THEMIS: variants seen among roughly 807,000 people sequenced by gnomAD.
The protein encoded by THEMIS is thymocyte selection associated, also known as protein THEMIS.
Under a neutral mutation model 52.6 loss-of-function variants are expected in THEMIS, and 37 were observed. The ratio of observed to expected loss-of-function variants is 0.70; its 90% CI spans 0.54 to 0.93. THEMIS has a LOEUF of 0.93. THEMIS is among the 40% of genes least tolerant of loss of function. THEMIS has a pLI of 0.00. For missense variants in THEMIS, 808 were observed against 763.1 expected, an observed-to-expected ratio of 1.06 and a Z score of -0.69; for synonymous variants, 292 against 272.7, an observed-to-expected ratio of 1.07 and a Z score of -0.70.
At chr6:127,841,125 G>A (rs1031425664) in intron 2 of THEMIS, among the ~76,000 whole-genome samples, 1 of 151,970 alleles carries the variant, frequency 6.6e-6, no homozygotes, top group Non-Finnish European at 1.5e-5. Flanking sequence ...TGTCAATGAA[G>A]GTTCACTACT....
chr6:127,861,783 CAAAAAAA>C (rs1225783673), intron 1 of THEMIS, among the ~76,000 whole-genome samples: 2 of 95,700 alleles, frequency 2.1e-5, no homozygotes, highest in Non-Finnish European at 3.9e-5. Context: ...GACTCCATCT[CAAAAAAA>C]AAAAAAAAAA....
chr6:127,831,060 C>T (rs77579383), intron 2 of THEMIS, among the ~76,000 whole-genome samples: 3,230 of 152,280 alleles, frequency 0.021, 59 homozygotes, highest in Non-Finnish European at 0.035. Context: ...ACTGACTGCT[C>T]TTGACTATAT....
At chr6:127,715,423 A>G (rs1336202245) in intron 5 of THEMIS, among the ~76,000 whole-genome samples, 2 of 151,938 alleles carry the variant, frequency 1.3e-5, no homozygotes, top group African/African-American at 4.8e-5. Flanking sequence ...TTTCTTCATT[A>G]AAATTAAGAA....
chr6:127,830,110 A>G (rs114192983), intron 2 of THEMIS, among the ~76,000 whole-genome samples, 176 bp from the exon 3 acceptor site: 1 of 152,150 alleles, frequency 6.6e-6, no homozygotes, highest in Non-Finnish European at 1.5e-5. Flanking sequence ...ATTATGAAGT[A>G]TTGCTTATAG....
At chr6:127,848,306 T>G (rs1779293819) in intron 2 of THEMIS, among the ~76,000 whole-genome samples, 1 of 152,072 alleles carries the variant, frequency 6.6e-6, no homozygotes, top group African/African-American at 2.4e-5. Context: ...TGCCACATTT[T>G]CTTAATCCAG....
rs1554223913 is a variant in THEMIS, at chr6:127,785,006, T to TC, written c.1758+27876_1758+27877insG. ...ATCTATCTATCTATCTATCTATCTA[T>TC]TATCTATCTATCTATCTACCTATCA... On this transcript the variant is annotated intron_variant, in intron 4 of 5. Coordinates refer to ENST00000368248, the MANE Select transcript of THEMIS (RefSeq NM_001010923.3). 5.8e-4 allele frequency among the ~76,000 whole-genome samples: 68 copies of TC among 117,276 alleles called. 1 individual carries two copies. The highest frequency in any genetic ancestry group is 2.0e-3 in the East Asian group (9 of 4,462). 76.9% of individuals were successfully genotyped at this position (117,276 alleles called of 152,430 possible). A position where few individuals can be genotyped will look rare whatever the true frequency, so the allele number is the denominator to read the frequency against.
intron 4 of THEMIS, among the ~76,000 whole-genome samples, chr6:127,763,993 C>T (rs1776109462): frequency 6.6e-6 from 1 of 151,692 alleles, no homozygotes; most frequent in African/African-American, 2.4e-5. Context: ...TTATAGATTC[C>T]TAAAATCTGG....
At chr6:127,772,231 G>T (rs1338837379) in intron 4 of THEMIS, among the ~76,000 whole-genome samples, 1 of 151,508 alleles carries the variant, frequency 6.6e-6, no homozygotes, top group Admixed American at 6.6e-5. Context: ...AATGTTAAGT[G>T]GAATTGCTAG....
intron 2 of THEMIS, among the ~76,000 whole-genome samples, chr6:127,833,621 A>G (rs1390333595): frequency 1.3e-5 from 2 of 152,116 alleles, no homozygotes; most frequent in Non-Finnish European, 2.9e-5. Context: ...CTCTCTTTAC[A>G]TGGATCAGCC....
intron 4 of THEMIS, among the ~76,000 whole-genome samples, chr6:127,743,001 C>A (rs1775262520): frequency 6.6e-6 from 1 of 151,734 alleles, no homozygotes; most frequent in South Asian, 2.1e-4. Context: ...TTGCAAAAAT[C>A]ATTTATTAAA....
At chr6:127,786,230 A>G (rs559921343) in intron 4 of THEMIS, among the ~76,000 whole-genome samples, 1 of 152,292 alleles carries the variant, frequency 6.6e-6, no homozygotes, top group South Asian at 2.1e-4. Flanking sequence ...GTTCTAGCCT[A>G]CATATTTGAA....
chr6:127,847,666 C>A (rs1055995455), intron 2 of THEMIS, among the ~76,000 whole-genome samples: 1 of 151,914 alleles, frequency 6.6e-6, no homozygotes, highest in Admixed American at 6.6e-5. Context: ...AATGGAAACA[C>A]ATCCCATGCT....
At chr6:127,815,988 G>A (rs1255497615) in intron 3 of THEMIS, among the ~76,000 whole-genome samples, 2 of 152,222 alleles carry the variant, frequency 1.3e-5, no homozygotes, top group Non-Finnish European at 2.9e-5. Context: ...AAACCCTACA[G>A]GCCATGTTAT....
At chr6:127,706,209 A>G (rs988115095), downstream of THEMIS, among the ~76,000 whole-genome samples, 2 of 151,770 alleles carry the variant, frequency 1.3e-5, no homozygotes, top group African/African-American at 4.8e-5. Flanking sequence ...ATAATTTAGA[A>G]CATATATATA....
upstream of THEMIS, among the ~76,000 whole-genome samples, chr6:127,902,981 A>AT (rs1478404184): frequency 3.3e-5 from 5 of 152,132 alleles, no homozygotes; most frequent in African/African-American, 1.2e-4. Context: ...ATCTCTTACA[A>AT]TTACCTAGGC....
intron 4 of THEMIS, among the ~76,000 whole-genome samples, chr6:127,782,840 C>T (rs1776795313): frequency 6.6e-6 from 1 of 152,142 alleles, no homozygotes; most frequent in Admixed American, 6.5e-5. Flanking sequence ...CTCAATGCTA[C>T]TCCCATCAAG....
downstream of THEMIS, among the ~76,000 whole-genome samples, chr6:127,704,052 T>C (rs907669353): frequency 9.9e-5 from 15 of 152,152 alleles, no homozygotes; most frequent in Admixed American, 9.8e-4. Flanking sequence ...TCCCTGAGAA[T>C]AGAGCCATCA....
intron 3 of THEMIS, 63 bp downstream of exon 3, chr6:127,829,413 T>C (rs2114659671): frequency 7.3e-7 from 1 of 1,365,284 alleles, no homozygotes; most frequent in South Asian, 1.4e-5. Flanking sequence ...GGCTCTAAAA[T>C]CTTTCTTTCC....
chr6:127,856,954 G>A (rs1264082379), intron 1 of THEMIS, among the ~76,000 whole-genome samples: 1 of 151,610 alleles, frequency 6.6e-6, no homozygotes, highest in African/African-American at 2.4e-5. Flanking sequence ...TTTTTTATGA[G>A]TTTCAGTTTT....
Sources: allele counts gnomAD v4.1 joint callset (sites outside exome capture counted in the v4.1 genomes callset), GRCh38; gene constraint gnomAD v4.1.1; transcripts MANE v1.5; gene names NCBI Gene and HGNC (gene_info 2026-07-23, HGNC 2026-07-21).